SORCS2: variants seen among roughly 807,000 people sequenced by gnomAD.
SORCS2 encodes the protein VPS10 domain-containing receptor SorCS2.
SORCS2 carries 100 observed loss-of-function variants against 141.6 expected under a neutral mutation model. The observed-to-expected ratio is 0.71, with a 90% CI of 0.60 to 0.83. The LOEUF is 0.83. Among genes scored for constraint, SORCS2 ranks in the 40% least tolerant of loss-of-function variants. The probability of loss-of-function intolerance (pLI) is 0.00; values close to 1 mark genes in which losing one functional copy is unlikely to be tolerated. For synonymous variants in SORCS2, 789 were observed against 676.9 expected (o/e 1.17, Z -2.57); for missense variants, 1,646 against 1,560.2 (o/e 1.05, Z -0.93).
Position 7,718,145 on chromosome 4 carries a change from C to A in SORCS2, c.2386C>A (p.Pro796Thr). The A allele has an allele frequency of 6.2e-7, 1 of 1,611,740 alleles. No homozygotes were observed. The highest frequency in any genetic ancestry group is 8.5e-7 in the Non-Finnish European group (1 of 1,179,342). Residue 796 changes from proline to threonine, a missense_variant, in exon 18 of 27, where the codon CCT (proline) becomes ACT (threonine). Physicochemically the swap from Pro to Thr is conservative, Grantham distance 38. Coordinates refer to ENST00000507866, the MANE Select transcript of SORCS2 (RefSeq NM_020777.3). The stretch of plus-strand genomic sequence containing the variant: ...TCAAGGCGAGGCGGTGGCCGTGCGG[C>A]CTGGAGAGGACGTCCTGTTTGTGGT... ...SIQGEAVAVR[P>T]GEDVLFVVRQ...
intron 2 of SORCS2, among the ~76,000 whole-genome samples, chr4:7,438,114 C>G (rs1254558559): frequency 2.0e-5 from 3 of 152,218 alleles, no homozygotes; most frequent in Admixed American, 6.5e-5. Flanking sequence ...ACCAGCAGCC[C>G]CAGTGCTGCC....
At chr4:7,681,314 G>C (rs1433806321) in intron 9 of SORCS2, among the ~76,000 whole-genome samples, 1 of 152,198 alleles carries the variant, frequency 6.6e-6, no homozygotes, top group Non-Finnish European at 1.5e-5. Context: ...TGGGTTATCT[G>C]GAGGGGCCTA....
At chr4:7,379,923 G>A (rs928187136) in intron 1 of SORCS2, among the ~76,000 whole-genome samples, 7 of 152,156 alleles carry the variant, frequency 4.6e-5, no homozygotes, top group Admixed American at 1.3e-4. Context: ...CATTCAGTGC[G>A]TGAGTGTGAT....
At chr4:7,265,005 A>G (rs560592994) in intron 1 of SORCS2, among the ~76,000 whole-genome samples, 1 of 152,258 alleles carries the variant, frequency 6.6e-6, no homozygotes, top group South Asian at 2.1e-4. Flanking sequence ...CCAGGCCCTG[A>G]CACCAGCTTC....
chr4:7,507,297 C>G (rs141199048), intron 2 of SORCS2, among the ~76,000 whole-genome samples: 1 of 152,128 alleles, frequency 6.6e-6, no homozygotes, highest in African/African-American at 2.4e-5. Context: ...GCCTCAGCCT[C>G]CTGAGTAGCT....
intron 24 of SORCS2, among the ~76,000 whole-genome samples, chr4:7,733,795 C>T (rs1290953013): frequency 1.3e-5 from 2 of 152,222 alleles, no homozygotes; most frequent in Non-Finnish European, 2.9e-5. Flanking sequence ...TCGGCAGGTT[C>T]GCCCCACACC....
intron 2 of SORCS2, among the ~76,000 whole-genome samples, chr4:7,421,245 G>A (rs1296819895): frequency 2.6e-5 from 4 of 152,194 alleles, no homozygotes; most frequent in Non-Finnish European, 4.4e-5. Flanking sequence ...CACGCCATGC[G>A]TTTCCCACGA....
rs181919584 is a variant in SORCS2 at position 7,300,491 on chromosome 4, C to T, written c.481-95797C>T. Among the ~76,000 whole-genome samples, 41 of 152,316 alleles carry T rather than the reference C, an allele frequency of 2.7e-4. 1 individual carries two copies. In the East Asian group the frequency reaches 5.2e-3, roughly 19 times the overall value. ...CTCCTGTGAAGAGAGGCACCCCTGC[C>T]TCTGCTTTCAGTGATGAAGCGGTGG... On this transcript the variant is annotated intron_variant, in intron 1 of 26. Coordinates refer to ENST00000507866, the MANE Select transcript of SORCS2 (RefSeq NM_020777.3).
chr4:7,362,953 C>T (rs151286328), intron 1 of SORCS2, among the ~76,000 whole-genome samples: 3 of 104,022 alleles, frequency 2.9e-5, no homozygotes, highest in Middle Eastern at 4.8e-3. Flanking sequence ...ATCACCATCA[C>T]CACCATCATT....
At position 7,246,317 on chromosome 4, in the gene SORCS2, G is replaced by T. The variant is rs62289724; in HGVS notation, c.480+53191G>T. Among the ~76,000 whole-genome samples, 1,017 of 152,226 alleles carry T rather than the reference G, an allele frequency of 6.7e-3. 10 individuals are homozygous for T. The highest frequency in any genetic ancestry group is 0.01 in the Non-Finnish European group (687 of 68,016). On this transcript the variant is annotated intron_variant, in intron 1 of 26. Coordinates refer to ENST00000507866, the MANE Select transcript of SORCS2 (RefSeq NM_020777.3). ...TTTGGCACTCTGACCAAACACATCC[G>T]GATCCCTCCAGGGTGTTATTATGGC...
intron 1 of SORCS2, among the ~76,000 whole-genome samples, chr4:7,279,558 A>C (rs1715725282): frequency 6.6e-6 from 1 of 152,226 alleles, no homozygotes; most frequent in Non-Finnish European, 1.5e-5. Flanking sequence ...CTAGTTCACT[A>C]AGATGTCTCT....
intron 1 of SORCS2, among the ~76,000 whole-genome samples, chr4:7,314,829 T>TTTTTTTTTTTTTG (rs1560185676): frequency 6.9e-5 from 8 of 116,580 alleles, no homozygotes; most frequent in African/African-American, 2.8e-4. Flanking sequence ...TTTTTTTTTT[T>TTTTTTTTTTTTTG]ATTGTTGTTG....
intron 2 of SORCS2, among the ~76,000 whole-genome samples, chr4:7,523,288 A>G (rs956129408): frequency 6.6e-6 from 1 of 152,170 alleles, no homozygotes; most frequent in Non-Finnish European, 1.5e-5. Context: ...GCTTAGACTC[A>G]AATACTCAAA....
At chr4:7,702,988 G>A (rs985296948) in intron 12 of SORCS2, among the ~76,000 whole-genome samples, 3 of 152,230 alleles carry the variant, frequency 2.0e-5, no homozygotes, top group Admixed American at 2.0e-4. Flanking sequence ...CTTTGTGCCT[G>A]GGTTTTCACA....
intron 3 of SORCS2, among the ~76,000 whole-genome samples, chr4:7,621,908 A>C (rs1719220464): frequency 6.6e-6 from 1 of 152,158 alleles, no homozygotes; most frequent in African/African-American, 2.4e-5. Context: ...CTGCCCAGCT[A>C]TGATGGTTGA....
intron 3 of SORCS2, among the ~76,000 whole-genome samples, chr4:7,603,039 A>G (rs4689796): frequency 3.7e-4 from 57 of 152,314 alleles, no homozygotes; most frequent in Admixed American, 3.5e-3. Flanking sequence ...TGCGCCTGCA[A>G]TCGCAGGCAC....
chr4:7,719,660 C>CT (rs1013368020), intron 18 of SORCS2, among the ~76,000 whole-genome samples: 9 of 152,042 alleles, frequency 5.9e-5, no homozygotes, highest in African/African-American at 1.5e-4. Flanking sequence ...GACAGAGCCG[C>CT]TGCCCCGCCT....
Position 7,396,224 on chromosome 4 carries a change from T to C in SORCS2, c.481-64T>C, listed in dbSNP as rs1724204762. On this transcript the variant is annotated intron_variant, in intron 1 of 26. Coordinates refer to ENST00000507866, the MANE Select transcript of SORCS2 (RefSeq NM_020777.3). ...ATTCTGGCACGGAGTGGTGTCACTG[T>C]ACCTCTCTTTGAGAACCTTGGCACC... 5 of 1,515,322 alleles carry C rather than the reference T, an allele frequency of 3.3e-6. No individual in the cohort carries two copies. The East Asian group carries it at 1.1e-4, about 34-fold the overall frequency. The allele number at this position is 1,515,322 out of a possible 1,614,324, so 93.9% of individuals were successfully genotyped here.
chr4:7,548,813 A>G (rs11729087), intron 3 of SORCS2, among the ~76,000 whole-genome samples: 4,896 of 152,314 alleles, frequency 0.032, 117 homozygotes, highest in Non-Finnish European at 0.048. Context: ...CCAGACAAGC[A>G]AAGAGCAGCC....
Sources: allele counts gnomAD v4.1 joint callset (sites outside exome capture counted in the v4.1 genomes callset), GRCh38; gene constraint gnomAD v4.1.1; transcripts MANE v1.5; gene names NCBI Gene and HGNC (gene_info 2026-07-23, HGNC 2026-07-21).